Variants in CEP55 observed in about 807,000 individuals in gnomAD.
CEP55 encodes centrosomal protein of 55 kDa.
In CEP55, 57 loss-of-function variants were observed where a neutral mutation model predicts 63.2. The ratio of observed to expected loss-of-function variants is 0.90; its 90% confidence interval spans 0.73 to 1.13. The LOEUF is 1.13. Ranked by LOEUF, CEP55 falls within the 50% of genes most tolerant of loss-of-function variation. CEP55 has a pLI of 0.00. For missense variants in CEP55, 456 were observed against 518.9 expected (o/e 0.88, Z 1.18); for synonymous variants, 178 against 191.6 (o/e 0.93, Z 0.59).
intron 4 of CEP55, among the ~76,000 whole-genome samples, chr10:93,509,863 G>A (rs577491040): frequency 1.3e-5 from 2 of 152,256 alleles, no homozygotes; most frequent in Admixed American, 1.3e-4. Context: ...TTGAGACCAG[G>A]GGGAAAATTG....
At chr10:93,504,793 A>C (rs368869857) in intron 3 of CEP55, among the ~76,000 whole-genome samples, 1 of 152,100 alleles carries the variant, frequency 6.6e-6, no homozygotes, top group East Asian at 1.9e-4. Context: ...ACTTGGTAGA[A>C]ATTATAATTT....
At chr10:93,522,461 C>T (rs1178426139) in intron 8 of CEP55, among the ~76,000 whole-genome samples, 2 of 152,190 alleles carry the variant, frequency 1.3e-5, no homozygotes, top group South Asian at 2.1e-4. Context: ...CTATGTCTGA[C>T]TGGTGTACCT....
At chr10:93,518,492 G>A (rs979158051) in intron 6 of CEP55, among the ~76,000 whole-genome samples, 2 of 152,108 alleles carry the variant, frequency 1.3e-5, no homozygotes, top group Non-Finnish European at 2.9e-5. Flanking sequence ...CTGTCTACAG[G>A]TATGAGCAGT....
Position 93,528,033 on chromosome 10 carries a change from A to G in CEP55, c.1275A>G (p.Ser425=). The change falls in exon 9 of 9, where the codon TCA becomes TCG. Residue 425 remains serine (S), a synonymous_variant. Coordinates refer to ENST00000371485, the MANE Select transcript of CEP55 (RefSeq NM_018131.5). ...ETENREKVAA[S]PKSPTAALNE... is the part of the protein sequence containing the mutation. ...AAAACAGAGAAAAAGTTGCCGCCTCACCAAAAAGTCCCACTGCTGCACTCA... is the reference window on the plus strand; with the variant it reads ...AAAACAGAGAAAAAGTTGCCGCCTCGCCAAAAAGTCCCACTGCTGCACTCA... 1 of 1,614,054 alleles carries G rather than the reference A, an allele frequency of 6.2e-7. No homozygotes were observed.
In CEP55 at chr10:93,515,566, G is replaced by A; in HGVS notation, c.679+11G>A. ...AGCCTGAATCAGAAGGTACTGACTG[G>A]TATAAAAATGTTCTCTAGGGATAGG... On this transcript the variant is annotated intron_variant, in intron 5 of 8. Transcript: ENST00000371485. The A allele has an allele frequency of 6.3e-7, 1 of 1,583,042 alleles. No homozygotes were observed.
In CEP55 at chr10:93,528,030, C is replaced by T. The variant is rs75477224; in HGVS notation, c.1272C>T (p.Ala424=). The T allele has an allele frequency of 4.5e-4, 725 of 1,614,024 alleles. 5 individuals are homozygous for T. In the African/African-American group the frequency reaches 8.7e-3, roughly 19 times the overall value. Residue 424 remains alanine (A), a synonymous_variant, in exon 9 of 9, where the codon GCC becomes GCT. Transcript: ENST00000371485. ...GETENREKVA[A]SPKSPTAALN... is the part of the protein sequence containing the mutation. ...CTGAAAACAGAGAAAAAGTTGCCGC[C>T]TCACCAAAAAGTCCCACTGCTGCAC...
intron 3 of CEP55, among the ~76,000 whole-genome samples, chr10:93,506,745 T>C (rs1194288913): frequency 6.6e-6 from 1 of 152,180 alleles, no homozygotes; most frequent in Non-Finnish European, 1.5e-5. Flanking sequence ...TTTTTCTTTT[T>C]GTATTTTTAG....
chr10:93,527,014 A>G (rs1274707261), intron 8 of CEP55, among the ~76,000 whole-genome samples: 4 of 152,146 alleles, frequency 2.6e-5, no homozygotes, highest in Non-Finnish European at 5.9e-5. Context: ...GCACACCAAC[A>G]TGGCACATGT....
intron 4 of CEP55, among the ~76,000 whole-genome samples, chr10:93,515,204 A>G (rs2057791193): frequency 6.6e-6 from 1 of 152,220 alleles, no homozygotes; most frequent in African/African-American, 2.4e-5. Context: ...AAGCAAACAA[A>G]TGAACTTAAT....
rs1375549550 is a variant in CEP55, at chr10:93,500,096, A to G, written c.45A>G (p.Gly15=). 1 of 1,613,380 alleles carries G rather than the reference A, an allele frequency of 6.2e-7. No homozygotes were observed. The highest frequency in any genetic ancestry group is 1.7e-5 in the Admixed American group (1 of 59,836). The change falls in exon 2 of 9, where the codon GGA becomes GGG. Residue 15 remains glycine (G), a synonymous_variant. Coordinates refer to ENST00000371485, the MANE Select transcript of CEP55 (RefSeq NM_018131.5). ...STKDLIKSKW[G]SKPSNSKSET... The stretch of plus-strand genomic sequence containing the variant: ...AAGATTTAATTAAAAGTAAGTGGGG[A>G]TCGAAGCCTAGTAACTCCAAATCCG...
At chr10:93,508,985 C>A (rs1207845242) in intron 4 of CEP55, among the ~76,000 whole-genome samples, 3 of 152,118 alleles carry the variant, frequency 2.0e-5, no homozygotes, top group Non-Finnish European at 2.9e-5. Flanking sequence ...ATTGCTATAT[C>A]CTCAGTGTCT....
rs114029001 is a variant in CEP55 at position 93,519,843 on chromosome 10, G to A, written c.1191+36G>A. 1.0e-3 allele frequency: 1,619 copies of A among 1,611,406 alleles called. 13 individuals are homozygous for A. In the African/African-American group the frequency reaches 0.019, roughly 19 times the overall value. On this transcript the variant is annotated intron_variant, in intron 8 of 8. Coordinates refer to ENST00000371485, the MANE Select transcript of CEP55 (RefSeq NM_018131.5). ...AATGATTAAACTAAAATTTGTCTTC[G>A]TCTTCCATTTATATACCAAATCAGT... is the stretch of plus-strand genomic sequence containing the variant.
chr10:93,514,475 C>T (rs74608873), intron 4 of CEP55, among the ~76,000 whole-genome samples: 141 of 152,224 alleles, frequency 9.3e-4, no homozygotes, highest in African/African-American at 3.3e-3. Flanking sequence ...GGAGTGCAGA[C>T]GGTTTATTGG....
At chr10:93,514,134 T>C (rs1207547277) in intron 4 of CEP55, among the ~76,000 whole-genome samples, 1 of 152,088 alleles carries the variant, frequency 6.6e-6, no homozygotes, top group Non-Finnish European at 1.5e-5. Flanking sequence ...GGTTTTGCCA[T>C]GTTGGCCAGG....
intron 1 of CEP55, among the ~76,000 whole-genome samples, chr10:93,499,307 A>G (rs1306832064): frequency 6.6e-6 from 1 of 152,184 alleles, no homozygotes; most frequent in African/African-American, 2.4e-5. Context: ...AAGTAATGAC[A>G]TTTCGTGCCT....
At chr10:93,503,489 G>T in intron 3 of CEP55, 101 bp downstream of exon 3, 6 of 1,146,178 alleles carry the variant, frequency 5.2e-6, no homozygotes, top group Non-Finnish European at 7.5e-6. Flanking sequence ...CCCAAATGAT[G>T]AGACAAATGA....
intron 4 of CEP55, among the ~76,000 whole-genome samples, chr10:93,512,818 G>C (rs914670650): frequency 2.0e-5 from 3 of 152,178 alleles, no homozygotes; most frequent in African/African-American, 7.2e-5. Context: ...CTGAATAAGA[G>C]AGTGACTACT....
chr10:93,512,087 C>G (rs1045788695), intron 4 of CEP55, among the ~76,000 whole-genome samples: 1 of 150,956 alleles, frequency 6.6e-6, no homozygotes, highest in Admixed American at 6.6e-5. Context: ...AAAAGCTGGG[C>G]GTGGTGGTAC....
At chr10:93,516,294 TAAAAC>T (rs966705656) in intron 5 of CEP55, among the ~76,000 whole-genome samples, 3 of 152,166 alleles carry the variant, frequency 2.0e-5, no homozygotes, top group Non-Finnish European at 2.9e-5. Context: ...TTTGAATACT[TAAAAC>T]AAAGCTAATG....
Sources: gnomAD v4.1 joint callset for allele counts (sites outside exome capture counted in the v4.1 genomes callset) on GRCh38, gnomAD v4.1.1 for gene constraint, MANE v1.5 for transcripts, NCBI Gene and HGNC (gene_info 2026-07-23, HGNC 2026-07-21) for gene names.